Variants in CCDC82 observed in about 807,000 individuals in gnomAD.
CCDC82 encodes the protein coiled-coil domain containing 82, also known as coiled-coil domain-containing protein 82.
In CCDC82, 47 loss-of-function variants were observed where a neutral mutation model predicts 60.6. The observed-to-expected ratio is 0.77, with a 90% CI of 0.61 to 0.99. The LOEUF (loss-of-function observed/expected upper bound fraction) is 0.99. CCDC82 is among the 50% of genes least tolerant of loss of function. The probability of loss-of-function intolerance (pLI) is 0.00; values close to 1 mark genes in which losing one functional copy is unlikely to be tolerated. For missense variants in CCDC82, 588 were observed against 633.0 expected (o/e 0.93, Z 0.76); for synonymous variants, 212 against 207.4 (o/e 1.02, Z -0.19).
Position 96,384,541 on chromosome 11 carries a change from A to T in CCDC82, c.207T>A (p.Ser69Arg). ...TTTTATTACAATCAGGTCCCTTGTT[A>T]CTATCAAGCTCTTCATCATTTTCAA... ...ESFENDEELD[S>R]NKGPDCNKTP... The change falls in exon 4 of 10, where the codon AGT (serine) becomes AGA (arginine). Residue 69 changes from serine (S) to arginine (R), a missense_variant. Transcript: ENST00000646818. 1 of 1,613,602 alleles carries T rather than the reference A, an allele frequency of 6.2e-7. No homozygotes were observed. Among genetic ancestry groups the T allele is most frequent in the African/African-American group, 1.3e-5 (1 of 75,008 alleles).
At chr11:96,382,070 T>C (rs1200835733) in intron 5 of CCDC82, 2 of 151,856 alleles carry the variant, frequency 1.3e-5, no homozygotes, top group Non-Finnish European at 3.0e-5. Flanking sequence ...TAGTACTCTA[T>C]AGGATGAAAT....
At chr11:96,362,200 G>A (rs937331444) in intron 8 of CCDC82, among the ~76,000 whole-genome samples, 2 of 152,206 alleles carry the variant, frequency 1.3e-5, no homozygotes, top group Admixed American at 1.3e-4. Flanking sequence ...GTACCAGGCA[G>A]ACTTGGTAAT....
chr11:96,384,421 A>T lies in CCDC82; in HGVS notation c.327T>A (p.Tyr109Ter). 1 of 1,613,704 alleles carries T rather than the reference A, an allele frequency of 6.2e-7. No homozygotes were observed. Among genetic ancestry groups the T allele is most frequent in the Non-Finnish European group, 8.5e-7 (1 of 1,179,810 alleles). The change falls in exon 4 of 10, where the codon TAT becomes TAA. Residue 109 changes from tyrosine to a stop codon, truncating the protein, a stop_gained. Transcript: ENST00000646818. LOFTEE classifies it high-confidence loss of function. Reference sequence around the variant, plus strand: ...GTTTGATTTTGTTCGTTTCTTCTTCATATGTTGAACCGTTGCCAGAGTTAA... The same window carrying T: ...GTTTGATTTTGTTCGTTTCTTCTTCTTATGTTGAACCGTTGCCAGAGTTAA... ...CLINSGNGST[Y>*]EEETNKIKHR...
intron 7 of CCDC82, among the ~76,000 whole-genome samples, chr11:96,370,419 A>G (rs1454101129): frequency 6.6e-6 from 1 of 152,226 alleles, no homozygotes; most frequent in Non-Finnish European, 1.5e-5. Context: ...TTAAAAAGAT[A>G]AATTATAAAT....
intron 8 of CCDC82, 60 bp from the exon 9 acceptor site, chr11:96,359,238 G>C: frequency 7.3e-7 from 1 of 1,375,230 alleles, no homozygotes; most frequent in Middle Eastern, 2.3e-4. Context: ...CTGGTTTTTG[G>C]ATTTTCTTTA....
At chr11:96,357,820 C>T in intron 9 of CCDC82, 1 of 985,182 alleles carries the variant, frequency 1.0e-6, no homozygotes, top group Non-Finnish European at 1.2e-6. Context: ...TCTCCTAAAG[C>T]AAATGAAAAA....
rs1865630416 is a variant in CCDC82, at chr11:96,377,339, TTA to T, written c.992-3874_992-3873del. On this transcript the variant is annotated intron_variant, in intron 5 of 9. Transcript: ENST00000646818. ...CTTTGTTAAGTCAGAAACTTTTAGC[TTA>T]TATGTGTGTACATAATACACACACA... Among the ~76,000 whole-genome samples, 10 of 127,736 alleles carry T rather than the reference TTA, an allele frequency of 7.8e-5. No individual in the cohort carries two copies. The South Asian group carries it at 1.9e-3, about 24-fold the overall frequency. 83.8% of individuals were successfully genotyped at this position (127,736 alleles called of 152,430 possible). A position where few individuals can be genotyped will look rare whatever the true frequency, so the allele number is the denominator to read the frequency against.
chr11:96,379,703 A>C (rs944817568), intron 5 of CCDC82, among the ~76,000 whole-genome samples: 1 of 151,888 alleles, frequency 6.6e-6, no homozygotes, highest in African/African-American at 2.4e-5. Context: ...ATCACCACCC[A>C]AAACTCCTTC....
At position 96,384,189 on chromosome 11, in the gene CCDC82, AG is replaced by A. The variant is rs1866047672; in HGVS notation, c.558del (p.Ser187LeufsTer2). ...DIKRGKRKRL[S>X]SVMCDSDESD... ...CTCTCATCACTGTCACACATCACAG[AG>A]GATAGCCTTTTTCTTTTTCCTCGCT... On this transcript the variant is annotated frameshift_variant, in exon 4 of 10. Transcript: ENST00000646818. LOFTEE classifies it high-confidence loss of function. 6.2e-7 allele frequency: 1 copy of A among 1,613,860 alleles called. No homozygotes were observed.
At chr11:96,354,323 G>A (rs76095842) in intron 9 of CCDC82, 2,907 of 152,282 alleles carry the variant, frequency 0.019, 47 homozygotes, top group Middle Eastern at 0.044. Context: ...TCAAAGTGAC[G>A]TGACAAGAAA....
intron 8 of CCDC82, among the ~76,000 whole-genome samples, chr11:96,361,134 A>AT (rs1864641754): frequency 6.6e-6 from 1 of 152,236 alleles, no homozygotes; most frequent in Non-Finnish European, 1.5e-5. Flanking sequence ...TGCCGTGACT[A>AT]TAAGGGTACC....
chr11:96,383,503 A>G, intron 4 of CCDC82, 30 bp from the exon 5 acceptor site: 2 of 1,417,174 alleles, frequency 1.4e-6, no homozygotes, highest in Non-Finnish European at 9.7e-7. Context: ...TGCTTCAGTA[A>G]ATGGTGCTAT....
rs1302518428 is a variant in CCDC82 at position 96,358,874 on chromosome 11, A to G, written c.1566+119T>C. ...GAATGAGCGGAAGAAGAGAAAATAC[A>G]AACGACAGAAGAAAGAGATTCTCTT... On this transcript the variant is annotated intron_variant, in intron 9 of 9. Coordinates refer to ENST00000646818, the MANE Select transcript of CCDC82 (RefSeq NM_024725.4). 8 of 1,019,768 alleles carry G rather than the reference A, an allele frequency of 7.8e-6. No individual in the cohort carries two copies. In the East Asian group the frequency reaches 2.0e-4, roughly 26 times the overall value. The allele number at this position is 1,019,768 out of a possible 1,614,324, so 63.2% of individuals were successfully genotyped here.
At chr11:96,371,989 TTCTTTAAATAA>T (rs1189388315) in intron 6 of CCDC82, among the ~76,000 whole-genome samples, 1 of 152,210 alleles carries the variant, frequency 6.6e-6, no homozygotes, top group Non-Finnish European at 1.5e-5. Flanking sequence ...TTTATCATGT[TTCTTTAAATAA>T]TCACAAATTC....
chr11:96,360,087 G>A (rs1298732173), intron 8 of CCDC82, among the ~76,000 whole-genome samples: 3 of 147,720 alleles, frequency 2.0e-5, no homozygotes, highest in Non-Finnish European at 3.0e-5. Flanking sequence ...AAGACAGTCT[G>A]ACTGCACTGA....
chr11:96,361,214 A>G (rs1051932083), intron 8 of CCDC82, among the ~76,000 whole-genome samples: 7 of 152,168 alleles, frequency 4.6e-5, no homozygotes, highest in African/African-American at 1.4e-4. Flanking sequence ...TTCTACATGA[A>G]GTATAGGCAT....
chr11:96,381,414 T>C (rs1297463724), intron 5 of CCDC82: 4 of 151,786 alleles, frequency 2.6e-5, no homozygotes, highest in Non-Finnish European at 5.9e-5. Context: ...AAATCCACTA[T>C]TTTATTATAA....
At chr11:96,372,135 C>T (rs1300460997) in intron 6 of CCDC82, among the ~76,000 whole-genome samples, 2 of 152,076 alleles carry the variant, frequency 1.3e-5, no homozygotes, top group Admixed American at 6.5e-5. Context: ...TTCTTGAACA[C>T]ACCAAACTTA....
chr11:96,358,317 C>T, intron 9 of CCDC82: 1 of 1,190,204 alleles, frequency 8.4e-7, no homozygotes, highest in Non-Finnish European at 1.0e-6. Flanking sequence ...ATAAACAATT[C>T]TAAAAGCTCT....
Sources: gnomAD v4.1 joint callset for allele counts (sites outside exome capture counted in the v4.1 genomes callset) on GRCh38, gnomAD v4.1.1 for gene constraint, MANE v1.5 for transcripts, NCBI Gene and HGNC (gene_info 2026-07-23, HGNC 2026-07-21) for gene names.